The following SULF2 variants were observed in gnomAD, a reference collection of about 807,000 sequenced individuals.
SULF2 encodes the protein extracellular sulfatase Sulf-2.
Under a neutral mutation model 107.7 loss-of-function variants are expected in SULF2, and 52 were observed. The ratio of observed to expected loss-of-function variants is 0.48; its 90% CI spans 0.39 to 0.61. The LOEUF is 0.61. Ranked by LOEUF, SULF2 falls within the 20% of genes least tolerant of loss-of-function variation. The pLI is 0.00. For missense variants in SULF2, 993 were observed against 1,177.3 expected, an observed-to-expected ratio of 0.84 and a Z score of 2.29; for synonymous variants, 460 against 464.3, an observed-to-expected ratio of 0.99 and a Z score of 0.12.
At chr20:47,672,441 A>C in intron 10 of SULF2, 48 bp from the exon 11 acceptor site, 1 of 1,487,444 alleles carries the variant, frequency 6.7e-7, no homozygotes, top group Non-Finnish European at 9.0e-7. Flanking sequence ...TGCTCCCCTA[A>C]ACCCGCCTCT....
rs772766001 is a variant in SULF2, at chr20:47,683,136, C to T, written c.922G>A (p.Asp308Asn). The stretch of plus-strand genomic sequence containing the variant: ...GCGGTGTATACGATGTACGTGTTGT[C>T]CAGCTCGCCCGTCTCAACCAGCATG... ...YNMLVETGEL[D>N]NTYIVYTADH... Residue 308 changes from aspartate (D) to asparagine (N), a missense_variant, in exon 7 of 21, where the codon GAC becomes AAC. This residue lies in a region of SULF2 where 388 missense variants were observed against 449.2 expected (regional missense o/e 0.86). Coordinates refer to ENST00000688720, the MANE Select transcript of SULF2 (RefSeq NM_001387048.1). The T allele has an allele frequency of 9.3e-6, 15 of 1,610,358 alleles. No individual in the cohort carries two copies. The East Asian group carries it at 3.3e-4, about 36-fold the overall frequency.
At chr20:47,762,140 G>A (rs552176699) in intron 1 of SULF2, among the ~76,000 whole-genome samples, 82 of 152,298 alleles carry the variant, frequency 5.4e-4, no homozygotes, top group Non-Finnish European at 1.0e-3. Context: ...TATCAGCAGC[G>A]TGAAAACAGA....
chr20:47,748,854 A>G (rs1325847953), intron 2 of SULF2, among the ~76,000 whole-genome samples: 1 of 152,140 alleles, frequency 6.6e-6, no homozygotes, highest in Admixed American at 6.5e-5. Flanking sequence ...GCACTGCCCT[A>G]TCCCTAGTGG....
intron 20 of SULF2, 136 bp from the exon 21 acceptor site, chr20:47,658,528 A>G (rs1212554099): frequency 2.2e-5 from 21 of 949,624 alleles, no homozygotes; most frequent in East Asian, 2.2e-4. Flanking sequence ...TTAGAACGGG[A>G]TTGCCACCAC....
At chr20:47,750,270 G>A (rs1177889465) in intron 2 of SULF2, among the ~76,000 whole-genome samples, 3 of 152,172 alleles carry the variant, frequency 2.0e-5, no homozygotes, top group South Asian at 2.1e-4. Context: ...GTGAGCCACC[G>A]CACCCGGCCC....
intron 1 of SULF2, among the ~76,000 whole-genome samples, chr20:47,767,610 T>C (rs941089084): frequency 3.3e-5 from 5 of 152,154 alleles, no homozygotes; most frequent in Non-Finnish European, 7.4e-5. Flanking sequence ...ACCCCATCTC[T>C]ACTAAAAATA....
chr20:47,701,817 T>A (rs2088578293), intron 4 of SULF2, among the ~76,000 whole-genome samples: 2 of 152,138 alleles, frequency 1.3e-5, no homozygotes, highest in Non-Finnish European at 1.5e-5. Context: ...GTCTGAATCA[T>A]CGTTATCCTC....
At chr20:47,778,101 A>G (rs2090756972) in intron 1 of SULF2, among the ~76,000 whole-genome samples, 1 of 152,168 alleles carries the variant, frequency 6.6e-6, no homozygotes, top group Admixed American at 6.5e-5. Flanking sequence ...AGACTGTGCC[A>G]CTGCACTCCA....
intron 15 of SULF2, among the ~76,000 whole-genome samples, 157 bp downstream of exon 15, chr20:47,663,973 T>C (rs975806742): frequency 2.0e-5 from 3 of 152,028 alleles, no homozygotes; most frequent in African/African-American, 7.2e-5. Flanking sequence ...GCCCGCTCAG[T>C]GTTGATTGGG....
At chr20:47,727,096 C>T (rs548724007) in intron 3 of SULF2, among the ~76,000 whole-genome samples, 22 of 152,168 alleles carry the variant, frequency 1.4e-4, no homozygotes, top group African/African-American at 4.8e-4. Context: ...AGAAACCAGC[C>T]GTCACGAGAT....
upstream of SULF2, chr20:47,786,023 C>G (rs983490155): frequency 6.6e-6 from 1 of 152,122 alleles, no homozygotes; most frequent in Non-Finnish European, 1.5e-5. Flanking sequence ...CGCACCCTCG[C>G]CGGGACACAC....
chr20:47,661,011 C>G (rs191919030), intron 18 of SULF2, among the ~76,000 whole-genome samples: 15 of 152,284 alleles, frequency 9.9e-5, no homozygotes, highest in Middle Eastern at 3.4e-3. Context: ...TCGCTGTTTT[C>G]TCCCATAAAG....
chr20:47,778,144 A>T (rs969834061), intron 1 of SULF2, among the ~76,000 whole-genome samples: 2 of 152,190 alleles, frequency 1.3e-5, no homozygotes, highest in Non-Finnish European at 2.9e-5. Flanking sequence ...CTGTCTCAAA[A>T]ACAAAAAAGC....
chr20:47,678,999 T>G lies in SULF2; in HGVS notation c.1065-195A>C. ...ATTCAGCTGAACCCCCACTCTGTGC[T>G]CGCCCCCCCTTAGTTTCTGTGTCTC... On this transcript the variant is annotated intron_variant, in intron 7 of 20. Transcript: ENST00000688720. The surrounding 1 kb of genome is among the most constrained non-coding windows in gnomAD (Gnocchi z 4.5). 8.1e-6 allele frequency among the ~76,000 whole-genome samples: 1 copy of G among 124,000 alleles called. No individual in the cohort carries two copies. The highest frequency in any genetic ancestry group is 1.7e-5 in the Non-Finnish European group (1 of 59,104). The allele number at this position is 124,000 out of a possible 152,430, so 81.3% of individuals were successfully genotyped here.
At chr20:47,741,819 G>C (rs928651440) in intron 2 of SULF2, among the ~76,000 whole-genome samples, 4 of 152,212 alleles carry the variant, frequency 2.6e-5, no homozygotes, top group Non-Finnish European at 5.9e-5. Flanking sequence ...GGAAGGGAAC[G>C]CAGGGCAGGC....
rs146925842 is a variant in SULF2 at position 47,689,279 on chromosome 20, C to T, written c.737+847G>A. Reference sequence around the variant, plus strand: ...TAGACCCTCCACATTGTAGAAGGACCGGTCTGTGTGACCAATAGAATGTGG... The same window carrying T: ...TAGACCCTCCACATTGTAGAAGGACTGGTCTGTGTGACCAATAGAATGTGG... On this transcript the variant is annotated intron_variant, in intron 5 of 20. Coordinates refer to ENST00000688720, the MANE Select transcript of SULF2 (RefSeq NM_001387048.1). Among the ~76,000 whole-genome samples, 116 of 152,340 alleles carry T rather than the reference C, an allele frequency of 7.6e-4. 1 individual carries two copies. The highest frequency in any genetic ancestry group is 6.8e-3 in the Middle Eastern group (2 of 294).
At chr20:47,750,143 C>T (rs1022974586) in intron 2 of SULF2, among the ~76,000 whole-genome samples, 6 of 152,086 alleles carry the variant, frequency 3.9e-5, no homozygotes, top group Admixed American at 2.6e-4. Flanking sequence ...CACCATGCCC[C>T]GCTAATTTTT....
Position 47,658,196 on chromosome 20 carries a change from G to A in SULF2, c.*166C>T, listed in dbSNP as rs1318561519. 5 of 702,278 alleles carry A rather than the reference G, an allele frequency of 7.1e-6. No individual in the cohort carries two copies. Among genetic ancestry groups the A allele is most frequent in the Non-Finnish European group, 1.0e-5 (4 of 394,532 alleles). The allele number at this position is 702,278 out of a possible 1,614,324, so 43.5% of individuals were successfully genotyped here. A position where few individuals can be genotyped will look rare whatever the true frequency, so the allele number is the denominator to read the frequency against. On this transcript the variant is annotated 3_prime_UTR_variant, in exon 21 of 21. Coordinates refer to ENST00000688720, the MANE Select transcript of SULF2 (RefSeq NM_001387048.1). ...ACTTCCTGAAGTTATCTCTGCTCCTGCTGGTTATCCTCCAGAATCTGTCAT... is the reference window on the plus strand; with the variant it reads ...ACTTCCTGAAGTTATCTCTGCTCCTACTGGTTATCCTCCAGAATCTGTCAT...
At position 47,663,206 on chromosome 20, in the gene SULF2, G is replaced by T; in HGVS notation, c.2234C>A (p.Pro745His). The T allele has an allele frequency of 6.2e-7, 1 of 1,614,110 alleles. No homozygotes were observed. The highest frequency in any genetic ancestry group is 8.5e-7 in the Non-Finnish European group (1 of 1,180,030). Residue 745 changes from proline to histidine, a missense_variant, in exon 17 of 21, where the codon CCT (proline) becomes CAT (histidine). Physicochemically the swap from Pro to His is moderately conservative, Grantham distance 77. Coordinates refer to ENST00000688720, the MANE Select transcript of SULF2 (RefSeq NM_001387048.1). ...GTTGGCGCTGGTGCAGGCACAGAAAGGCCCCACTGCCAAGGAAGAGAGAGC... is the reference window on the plus strand; with the variant it reads ...GTTGGCGCTGGTGCAGGCACAGAAATGCCCCACTGCCAAGGAAGAGAGAGC... ...WQTAPFWTLGPFCACTSANNN... is the reference protein window; with the variant it reads ...WQTAPFWTLGHFCACTSANNN...
Sources: gnomAD v4.1 joint callset for allele counts (sites outside exome capture counted in the v4.1 genomes callset) on GRCh38, gnomAD v4.1.1 for gene constraint, gnomAD v4.1.1 regional missense constraint, Gnocchi (gnomAD v3.1) non-coding constraint, MANE v1.5 for transcripts, NCBI Gene and HGNC (gene_info 2026-07-23, HGNC 2026-07-21) for gene names.